TEX9: variants seen among roughly 807,000 people sequenced by gnomAD.
TEX9 encodes the protein testis-expressed protein 9.
A neutral mutation model predicts 59.6 loss-of-function variants in TEX9; 74 were observed. The ratio of observed to expected loss-of-function variants is 1.24; its 90% CI spans 1.03 to 1.51. The LOEUF (loss-of-function observed/expected upper bound fraction) is 1.51. TEX9 is among the 40% of genes most tolerant of loss of function. The pLI, the probability that TEX9 is intolerant of heterozygous loss-of-function variation, is 0.00. For missense variants in TEX9, 522 were observed against 447.8 expected, an observed-to-expected ratio of 1.17 and a Z score of -1.49; for synonymous variants, 186 against 152.2, an observed-to-expected ratio of 1.22 and a Z score of -1.64.
chr15:56,250,145 G>C (rs1378071498), intron 1 of TEX9, among the ~76,000 whole-genome samples: 1 of 152,192 alleles, frequency 6.6e-6, no homozygotes, highest in African/African-American at 2.4e-5. Flanking sequence ...TTGATTTAAA[G>C]AATAGTGACA....
chr15:56,448,832 C>G (rs2050927341), downstream of TEX9, among the ~76,000 whole-genome samples: 1 of 148,690 alleles, frequency 6.7e-6, no homozygotes, highest in Non-Finnish European at 1.5e-5. Context: ...CAGCTCACTG[C>G]AAGCTCCGCC....
downstream of TEX9, among the ~76,000 whole-genome samples, chr15:56,448,059 TTTGAG>T (rs2050920910): frequency 1.3e-5 from 2 of 152,200 alleles, no homozygotes; most frequent in Non-Finnish European, 1.5e-5. Context: ...CTGATAGACA[TTTGAG>T]TTGTTTCAGG....
chr15:56,253,563 G>C (rs1397145715), intron 1 of TEX9, among the ~76,000 whole-genome samples: 1 of 152,130 alleles, frequency 6.6e-6, no homozygotes, highest in African/African-American at 2.4e-5. Context: ...TATTAGAGAT[G>C]AGGGTCTGTG....
intron 1 of TEX9, among the ~76,000 whole-genome samples, chr15:56,260,942 T>G (rs2044251896): frequency 1.3e-5 from 2 of 151,938 alleles, no homozygotes; most frequent in South Asian, 4.2e-4. Flanking sequence ...TTTCTTTTAA[T>G]TTTTCTTTTA....
At chr15:56,301,117 C>A (rs1487182038) in intron 1 of TEX9, among the ~76,000 whole-genome samples, 1 of 152,084 alleles carries the variant, frequency 6.6e-6, no homozygotes, top group African/African-American at 2.4e-5. Context: ...TAAGATAATA[C>A]AGAGAAGGAA....
At chr15:56,248,497 G>C (rs1241101747) in intron 1 of TEX9, among the ~76,000 whole-genome samples, 1 of 152,116 alleles carries the variant, frequency 6.6e-6, no homozygotes, top group Non-Finnish European at 1.5e-5. Flanking sequence ...AGGATTAGTG[G>C]GATAAAGTTC....
At chr15:56,400,825 G>A (rs563050795) in intron 9 of TEX9, among the ~76,000 whole-genome samples, 2 of 152,228 alleles carry the variant, frequency 1.3e-5, no homozygotes, top group South Asian at 4.1e-4. Context: ...AGTGGGGACC[G>A]ATATTCAACA....
At chr15:56,356,142 G>A (rs151015590) in intron 1 of TEX9, among the ~76,000 whole-genome samples, 81 of 152,210 alleles carry the variant, frequency 5.3e-4, no homozygotes, top group African/African-American at 1.8e-3. Flanking sequence ...GTTATACAAG[G>A]TGGAACCTTC....
chr15:56,314,795 G>C (rs552827510), intron 1 of TEX9, among the ~76,000 whole-genome samples: 3 of 151,872 alleles, frequency 2.0e-5, no homozygotes, highest in African/African-American at 4.8e-5. Flanking sequence ...AAGTCTCTTT[G>C]TAGGTCACTC....
intron 1 of TEX9, among the ~76,000 whole-genome samples, chr15:56,300,708 G>GGAGAGAGAGAGAGAGAGAGAGAGAGA (rs60361737): frequency 2.9e-5 from 3 of 102,672 alleles, no homozygotes; most frequent in Admixed American, 1.0e-4. Flanking sequence ...AGAGAGAGAG[G>GGAGAGAGAGAGAGAGAGAGAGAGAGA]GAGAGAGAGA....
chr15:56,323,743 A>T, intron 1 of TEX9: 1 of 133,710 alleles, frequency 7.5e-6, no homozygotes, highest in Non-Finnish European at 1.6e-5. Flanking sequence ...GAGGAGAAGG[A>T]GGAGAAGGAG....
intron 9 of TEX9, among the ~76,000 whole-genome samples, chr15:56,408,290 T>C (rs1194011571): frequency 6.6e-6 from 1 of 152,198 alleles, no homozygotes; most frequent in Non-Finnish European, 1.5e-5. Context: ...CCATTGTACT[T>C]GGTCAGTTAT....
chr15:56,284,103 A>C (rs1349256138), intron 1 of TEX9, among the ~76,000 whole-genome samples: 1 of 152,206 alleles, frequency 6.6e-6, no homozygotes. Flanking sequence ...CATTTTAGCA[A>C]TGTGTCAAGT....
chr15:56,432,543 G>A (rs1238898455), intron 12 of TEX9, among the ~76,000 whole-genome samples: 1 of 152,064 alleles, frequency 6.6e-6, no homozygotes, highest in African/African-American at 2.4e-5. Flanking sequence ...CCAATCAAAC[G>A]GACAAAACTA....
intron 2 of TEX9, among the ~76,000 whole-genome samples, chr15:56,369,765 G>C (rs2047107513): frequency 6.6e-6 from 1 of 152,078 alleles, no homozygotes. Flanking sequence ...TTTATTATTT[G>C]TTGGCTAATC....
intron 12 of TEX9, among the ~76,000 whole-genome samples, chr15:56,437,226 G>A (rs1168336444): frequency 2.0e-5 from 3 of 152,136 alleles, no homozygotes; most frequent in Non-Finnish European, 2.9e-5. Context: ...ATAAAATACT[G>A]GCAAACCAAA....
intron 1 of TEX9, among the ~76,000 whole-genome samples, chr15:56,306,316 G>T (rs935844043): frequency 6.9e-6 from 1 of 144,490 alleles, no homozygotes; most frequent in Non-Finnish European, 1.5e-5. Context: ...GCACTTCCAT[G>T]TGCATTGCAG....
chr15:56,324,933 A>G (rs890590208), intron 1 of TEX9, among the ~76,000 whole-genome samples: 1 of 152,192 alleles, frequency 6.6e-6, no homozygotes, highest in Non-Finnish European at 1.5e-5. Flanking sequence ...ACTTGATTTC[A>G]TTATAAAATC....
At chr15:56,373,299 G>C in intron 2 of TEX9, 142 bp from the exon 3 acceptor site, 1 of 654,250 alleles carries the variant, frequency 1.5e-6, no homozygotes, top group Non-Finnish European at 2.5e-6. Flanking sequence ...GTTCTTAATG[G>C]CTGTGTTCAT....
Sources: gnomAD v4.1 joint callset for allele counts (sites outside exome capture counted in the v4.1 genomes callset) on GRCh38, gnomAD v4.1.1 for gene constraint, MANE v1.5 for transcripts, NCBI Gene and HGNC (gene_info 2026-07-23, HGNC 2026-07-21) for gene names.